The following DNAJC17 variants were observed in gnomAD, a reference collection of about 807,000 sequenced individuals.
The protein encoded by DNAJC17 is dnaJ homolog subfamily C member 17.
In DNAJC17, 35 loss-of-function variants were observed where a neutral mutation model predicts 48.1. The observed-to-expected ratio is 0.73, with a 90% confidence interval of 0.56 to 0.96. The LOEUF is 0.96. Among genes scored for constraint, DNAJC17 ranks in the 50% least tolerant of loss-of-function variants. DNAJC17 has a pLI of 0.00. For missense variants in DNAJC17, 355 were observed against 377.1 expected, an observed-to-expected ratio of 0.94 and a Z score of 0.48; for synonymous variants, 117 against 142.7, an observed-to-expected ratio of 0.82 and a Z score of 1.28.
At position 40,769,158 on chromosome 15, in the gene DNAJC17, T is replaced by C. The variant is rs1889046507; in HGVS notation, c.793-1096A>G. Among the ~76,000 whole-genome samples the C allele has an allele frequency of 6.6e-6, 1 of 152,126 alleles. No individual in the cohort carries two copies. The highest frequency in any genetic ancestry group is 2.1e-4 in the South Asian group (1 of 4,828). ...TCCCGATGGCTGCACCCCTCCCCTCTCCCCGGCTGCAGCAGTCCCAGCTAG... is the reference window on the plus strand; with the variant it reads ...TCCCGATGGCTGCACCCCTCCCCTCCCCCCGGCTGCAGCAGTCCCAGCTAG... On this transcript the variant is annotated intron_variant, in intron 10 of 10. Coordinates refer to ENST00000220496, the MANE Select transcript of DNAJC17 (RefSeq NM_018163.3). This position sits in a 1 kb window ranked among gnomAD's most constrained non-coding sequence, Gnocchi z 4.2.
At chr15:40,803,031 A>T (rs768842143) in intron 1 of DNAJC17, among the ~76,000 whole-genome samples, 1 of 151,150 alleles carries the variant, frequency 6.6e-6, no homozygotes, top group Non-Finnish European at 1.5e-5. Context: ...TGAGCCCAGG[A>T]GGCAGAGTTT....
rs148658119 is a variant in DNAJC17, at chr15:40,777,576, G to A, written c.296-949C>T. Among the ~76,000 whole-genome samples the A allele has an allele frequency of 1.7e-3, 259 of 152,150 alleles. 1 individual carries two copies. Among genetic ancestry groups the A allele is most frequent in the Non-Finnish European group, 2.7e-3 (186 of 67,996 alleles). On this transcript the variant is annotated intron_variant, in intron 4 of 10. Transcript: ENST00000220496. ...TCTACTAAAAATACAAAAATTAGCC[G>A]GGTGTGGTGGTGCGCAACTTAGTCC...
At chr15:40,798,160 AAAAG>A (rs1173649176) in intron 1 of DNAJC17, among the ~76,000 whole-genome samples, 1 of 152,242 alleles carries the variant, frequency 6.6e-6, no homozygotes, top group African/African-American at 2.4e-5. Flanking sequence ...TTCAACCTTA[AAAAG>A]AAAGGAAACT....
chr15:40,774,537 T>C, intron 8 of DNAJC17, 101 bp from the exon 9 acceptor site: 2 of 1,301,806 alleles, frequency 1.5e-6, no homozygotes, highest in Non-Finnish European at 2.2e-6. Flanking sequence ...CATGGGGCAT[T>C]TTCAGTTGGG....
chr15:40,770,714 G>A lies in DNAJC17; in HGVS notation c.793-2652C>T. On this transcript the variant is annotated intron_variant, in intron 10 of 10. Coordinates refer to ENST00000220496, the MANE Select transcript of DNAJC17 (RefSeq NM_018163.3). This position sits in a 1 kb window ranked among gnomAD's most constrained non-coding sequence, Gnocchi z 5.0. Reference sequence around the variant, plus strand: ...CACTGTGGGGGGACGAGCAGCCCCGGGCCACCCTGCTGGCCCCACCCAAGC... The same window carrying A: ...CACTGTGGGGGGACGAGCAGCCCCGAGCCACCCTGCTGGCCCCACCCAAGC... The A allele has an allele frequency of 6.5e-7, 1 of 1,546,472 alleles. No homozygotes were observed.
At chr15:40,805,746 G>T (rs1022980383) in intron 1 of DNAJC17, among the ~76,000 whole-genome samples, 15 of 150,178 alleles carry the variant, frequency 1.0e-4, no homozygotes, top group Admixed American at 4.0e-4. Flanking sequence ...CAGGAGAATG[G>T]CGTGAACCCG....
At chr15:40,807,211 T>C (rs1057154862) in intron 1 of DNAJC17, 158 bp downstream of exon 1, 3 of 1,517,534 alleles carry the variant, frequency 2.0e-6, no homozygotes, top group African/African-American at 1.4e-5. Context: ...GTCCAGGAAA[T>C]GTCTGGGAGC....
At chr15:40,795,009 G>A (rs188703334) in intron 1 of DNAJC17, among the ~76,000 whole-genome samples, 177 of 150,370 alleles carry the variant, frequency 1.2e-3, no homozygotes, top group African/African-American at 4.1e-3. Context: ...ATGAGCCACC[G>A]TAAGTTTATT....
At position 40,770,664 on chromosome 15, in the gene DNAJC17, G is replaced by A. The variant is rs1290888880; in HGVS notation, c.793-2602C>T. ...CCGAGAAGTCATCCGGGAGCTACAA[G>A]GGAGGCCAGATGGCCGGCGCCTGCC... On this transcript the variant is annotated intron_variant, in intron 10 of 10. Transcript: ENST00000220496. The surrounding 1 kb of genome is among the most constrained non-coding windows in gnomAD (Gnocchi z 5.0). The A allele has an allele frequency of 6.5e-7, 1 of 1,549,640 alleles. No individual in the cohort carries two copies.
chr15:40,793,908 G>A (rs935915908), intron 1 of DNAJC17, among the ~76,000 whole-genome samples: 2 of 152,000 alleles, frequency 1.3e-5, no homozygotes, highest in Non-Finnish European at 2.9e-5. Flanking sequence ...CAAGTATCCA[G>A]GCAATCTGAC....
At chr15:40,796,018 GAATATAGGTCAGT>G (rs577099391) in intron 1 of DNAJC17, among the ~76,000 whole-genome samples, 75 of 152,336 alleles carry the variant, frequency 4.9e-4, no homozygotes, top group African/African-American at 1.7e-3. Flanking sequence ...TACCGGGTGG[GAATATAGGTCAGT>G]ATGACCTTTC....
chr15:40,798,568 T>C (rs2141962954), intron 1 of DNAJC17, among the ~76,000 whole-genome samples: 1 of 152,318 alleles, frequency 6.6e-6, no homozygotes, highest in Non-Finnish European at 1.5e-5. Flanking sequence ...CTGATGTGGC[T>C]GGAGCACAGT....
intron 1 of DNAJC17, among the ~76,000 whole-genome samples, chr15:40,804,962 A>G (rs1890162783): frequency 6.6e-6 from 1 of 152,036 alleles, no homozygotes; most frequent in Non-Finnish European, 1.5e-5. Context: ...AGGTTGCACC[A>G]CTGCACTCCA....
intron 1 of DNAJC17, chr15:40,807,059 C>T (rs777871884): frequency 3.3e-6 from 2 of 603,508 alleles, no homozygotes; most frequent in Non-Finnish European, 5.7e-6. Context: ...AAACGGAGGC[C>T]GAGACTGCGC....
Position 40,770,347 on chromosome 15 carries a change from A to C in DNAJC17, c.793-2285T>G. 2 of 747,370 alleles carry C rather than the reference A, an allele frequency of 2.7e-6. No individual in the cohort carries two copies. The highest frequency in any genetic ancestry group is 4.2e-6 in the Non-Finnish European group (2 of 472,006). The allele number at this position is 747,370 out of a possible 1,614,324, so 46.3% of individuals were successfully genotyped here. A position where few individuals can be genotyped will look rare whatever the true frequency, so the allele number is the denominator to read the frequency against. The stretch of plus-strand genomic sequence containing the variant: ...TCCTGAGCCCTCCTCTCACCATCCA[A>C]GATGTGGTCAAAGGTCTGTGCTGAG... On this transcript the variant is annotated intron_variant, in intron 10 of 10. Transcript: ENST00000220496. This position sits in a 1 kb window ranked among gnomAD's most constrained non-coding sequence, Gnocchi z 5.0.
intron 1 of DNAJC17, 55 bp downstream of exon 1, chr15:40,807,314 G>A: frequency 1.2e-6 from 2 of 1,614,126 alleles, no homozygotes; most frequent in Non-Finnish European, 1.7e-6. Flanking sequence ...GAGGCGCTAG[G>A]ACAGGAAGGA....
intron 10 of DNAJC17, chr15:40,771,270 T>C (rs909021136): frequency 4.0e-5 from 22 of 544,810 alleles, no homozygotes; most frequent in African/African-American, 3.8e-4. Context: ...GGGCGGCCCT[T>C]CCTGGCAGGA....
chr15:40,792,431 T>C lies in DNAJC17; in HGVS notation c.79-12434A>G, dbSNP rs1221785094. The C allele has an allele frequency of 8.2e-6, 8 of 981,214 alleles. No individual in the cohort carries two copies. The East Asian group carries it at 5.7e-4, about 70-fold the overall frequency. 60.8% of individuals were successfully genotyped at this position (981,214 alleles called of 1,614,324 possible). On this transcript the variant is annotated intron_variant, in intron 1 of 10. Coordinates refer to ENST00000220496, the MANE Select transcript of DNAJC17 (RefSeq NM_018163.3). ...AACAATCAAAATGCATTTTCAAACA[T>C]CTGGCTTCCCCAGGTAATTACCTGC... is the stretch of plus-strand genomic sequence containing the variant.
intron 4 of DNAJC17, among the ~76,000 whole-genome samples, chr15:40,778,347 G>C (rs530050626): frequency 3.9e-5 from 6 of 152,172 alleles, no homozygotes; most frequent in Admixed American, 1.3e-4. Flanking sequence ...TCTGCCTCCC[G>C]GGTTCAAGCA....
Sources: allele counts gnomAD v4.1 joint callset (sites outside exome capture counted in the v4.1 genomes callset), GRCh38; gene constraint gnomAD v4.1.1; non-coding constraint Gnocchi (gnomAD v3.1); transcripts MANE v1.5; gene names NCBI Gene and HGNC (gene_info 2026-07-23, HGNC 2026-07-21).